The following TAS2R1 variants were observed in gnomAD, a reference collection of about 807,000 sequenced individuals.
TAS2R1 encodes taste 2 receptor member 1.
For synonymous variants in TAS2R1, 141 were observed against 134.2 expected (o/e 1.05, Z -0.35); for missense variants, 370 against 353.4 (o/e 1.05, Z -0.38).
At chr5:9,783,894 G>C in the TAS2R1 span, among the ~76,000 whole-genome samples, 1 of 152,178 alleles carries the variant, frequency 6.6e-6, no homozygotes, top group Non-Finnish European at 1.5e-5. Flanking sequence ...CAGAGGTCTT[G>C]AAGGTCCTGG....
chr5:9,802,171 C>A, the TAS2R1 span, among the ~76,000 whole-genome samples: 368 of 152,332 alleles, frequency 2.4e-3, 1 homozygote, highest in African/African-American at 8.5e-3. Context: ...CTCACAAAGT[C>A]TACTTTACTC....
the TAS2R1 span, among the ~76,000 whole-genome samples, chr5:9,750,726 A>G: frequency 5.3e-5 from 8 of 152,218 alleles, no homozygotes; most frequent in East Asian, 1.5e-3. Context: ...AGCAGTGATC[A>G]AGTACAAAAT....
At chr5:9,676,948 A>G (rs567443510) in intron 1 of TAS2R1, among the ~76,000 whole-genome samples, 12 of 152,314 alleles carry the variant, frequency 7.9e-5, no homozygotes, top group African/African-American at 1.2e-4. Context: ...ATAAAGACAC[A>G]TGCACATGTA....
the TAS2R1 span, among the ~76,000 whole-genome samples, chr5:9,807,631 T>C: frequency 6.6e-6 from 1 of 152,172 alleles, no homozygotes; most frequent in South Asian, 2.1e-4. Flanking sequence ...GAGATGGAAT[T>C]GGAGACTATC....
chr5:9,873,034 A>C, the TAS2R1 span, among the ~76,000 whole-genome samples: 9 of 152,338 alleles, frequency 5.9e-5, no homozygotes, highest in African/African-American at 1.9e-4. Context: ...GGTAATCTTC[A>C]CAACAACCTG....
chr5:9,842,406 CA>C, the TAS2R1 span, among the ~76,000 whole-genome samples: 1 of 150,902 alleles, frequency 6.6e-6, no homozygotes. Context: ...CTGCAACCTC[CA>C]CCTCCCAGGT....
chr5:9,893,524 C>T, the TAS2R1 span, among the ~76,000 whole-genome samples: 1 of 152,140 alleles, frequency 6.6e-6, no homozygotes, highest in Non-Finnish European at 1.5e-5. Context: ...TCTAATTGGG[C>T]TGGTCAAACG....
At chr5:9,799,959 G>C in the TAS2R1 span, among the ~76,000 whole-genome samples, 1 of 152,184 alleles carries the variant, frequency 6.6e-6, no homozygotes, top group African/African-American at 2.4e-5. Flanking sequence ...AATATATGTT[G>C]CTCTATAGGA....
chr5:9,686,382 G>A (rs1443319051), intron 1 of TAS2R1, among the ~76,000 whole-genome samples: 1 of 152,178 alleles, frequency 6.6e-6, no homozygotes, highest in Non-Finnish European at 1.5e-5. Flanking sequence ...CAATAAGAAT[G>A]TTATCCCTCG....
chr5:9,687,083 G>C (rs901945536), intron 1 of TAS2R1, among the ~76,000 whole-genome samples: 1 of 152,138 alleles, frequency 6.6e-6, no homozygotes, highest in Admixed American at 6.5e-5. Context: ...TCCTGCCTCA[G>C]CCTCCCAAGT....
intron 1 of TAS2R1, among the ~76,000 whole-genome samples, chr5:9,666,977 A>AT (rs973636391): frequency 2.6e-5 from 4 of 152,088 alleles, no homozygotes; most frequent in Non-Finnish European, 5.9e-5. Context: ...CTCAAGGCAA[A>AT]TTTTTTTTAA....
chr5:9,815,523 A>G, the TAS2R1 span, among the ~76,000 whole-genome samples: 1 of 152,200 alleles, frequency 6.6e-6, no homozygotes, highest in Non-Finnish European at 1.5e-5. Context: ...GCCTAAAACC[A>G]CTAAAAAAGA....
chr5:9,858,034 GTGCTGGGGGTGGTCTGGAGCCTAGGGC>G, the TAS2R1 span, among the ~76,000 whole-genome samples: 39 of 152,252 alleles, frequency 2.6e-4, no homozygotes, highest in Admixed American at 1.6e-3. Context: ...GGCCATCCCA[GTGCTGGGGGTGGTCTGGAGCCTAGGGC>G]TGCTGGGGCT....
At chr5:9,864,941 G>T in the TAS2R1 span, among the ~76,000 whole-genome samples, 1 of 152,138 alleles carries the variant, frequency 6.6e-6, no homozygotes, top group Non-Finnish European at 1.5e-5. Context: ...AAGGCCACCA[G>T]CAAGTGGTGG....
chr5:9,765,495 CA>C, the TAS2R1 span: 39,152 of 139,956 alleles, frequency 0.28, 5,238 homozygotes, highest in Middle Eastern at 0.36. Context: ...GTGATCTGTT[CA>C]AAAAAAAAAA....
At chr5:9,830,914 C>T in the TAS2R1 span, among the ~76,000 whole-genome samples, 1 of 152,156 alleles carries the variant, frequency 6.6e-6, no homozygotes. Flanking sequence ...TTTCCTGAGC[C>T]TCTGTTGACT....
chr5:9,715,049 C>G (rs1437578793), upstream of TAS2R1, among the ~76,000 whole-genome samples: 1 of 152,190 alleles, frequency 6.6e-6, no homozygotes, highest in Admixed American at 6.5e-5. Flanking sequence ...CTCTTTCAAG[C>G]TAAGGAAAGG....
the TAS2R1 span, among the ~76,000 whole-genome samples, chr5:9,835,709 G>A: frequency 6.6e-6 from 1 of 152,094 alleles, no homozygotes; most frequent in African/African-American, 2.4e-5. Context: ...CAGGGGGAGA[G>A]GAAGCCTGGG....
At chr5:9,775,780 C>T in the TAS2R1 span, among the ~76,000 whole-genome samples, 1 of 151,900 alleles carries the variant, frequency 6.6e-6, no homozygotes, top group African/African-American at 2.4e-5. Flanking sequence ...TGTTGGGTGC[C>T]CCATCCTACT....
Sources: allele counts gnomAD v4.1 joint callset (sites outside exome capture counted in the v4.1 genomes callset), GRCh38; gene constraint gnomAD v4.1.1; transcripts MANE v1.5; gene names NCBI Gene and HGNC (gene_info 2026-07-23, HGNC 2026-07-21).